PHYHIPL: variants seen among roughly 807,000 people sequenced by gnomAD.
PHYHIPL encodes phytanoyl-CoA 2-hydroxylase interacting protein like, also known as phytanoyl-CoA hydroxylase-interacting protein-like.
Under a neutral mutation model 33.4 loss-of-function variants are expected in PHYHIPL, and 9 were observed. The ratio of observed to expected loss-of-function variants is 0.27; its 90% CI spans 0.16 to 0.47. The LOEUF (loss-of-function observed/expected upper bound fraction) is 0.47. Among genes scored for constraint, PHYHIPL ranks in the 20% least tolerant of loss-of-function variants. The pLI is 0.99. For missense variants in PHYHIPL, 365 were observed against 460.7 expected (o/e 0.79, Z 1.90); for synonymous variants, 153 against 154.1 (o/e 0.99, Z 0.05).
intron 4 of PHYHIPL, among the ~76,000 whole-genome samples, chr10:59,239,119 G>T (rs1840314794): frequency 6.6e-6 from 1 of 151,910 alleles, no homozygotes; most frequent in African/African-American, 2.4e-5. Flanking sequence ...AATCAGGTGG[G>T]ATTTGCAGAC....
At chr10:59,220,768 G>T (rs1456749015) in intron 1 of PHYHIPL, among the ~76,000 whole-genome samples, 2 of 152,016 alleles carry the variant, frequency 1.3e-5, no homozygotes, top group African/African-American at 2.4e-5. Context: ...TGAATGCCAG[G>T]CCTCTTAGAA....
At chr10:59,242,422 GT>G (rs1245977328) in intron 4 of PHYHIPL, among the ~76,000 whole-genome samples, 1 of 95,676 alleles carries the variant, frequency 1.0e-5, no homozygotes, top group African/African-American at 6.8e-5. Context: ...CTGGTAGATA[GT>G]CAGGAGGAGG....
chr10:59,198,053 C>CT (rs201370071), intron 1 of PHYHIPL, among the ~76,000 whole-genome samples: 2 of 151,866 alleles, frequency 1.3e-5, no homozygotes, highest in Non-Finnish European at 2.9e-5. Flanking sequence ...AAGCAGTAAT[C>CT]TTTTTTTATT....
intron 1 of PHYHIPL, among the ~76,000 whole-genome samples, chr10:59,222,879 C>G (rs1654575442): frequency 6.6e-6 from 1 of 152,226 alleles, no homozygotes; most frequent in Admixed American, 6.5e-5. Context: ...TTATTGTCTA[C>G]TACATGCCAG....
chr10:59,193,836 G>C lies in PHYHIPL; in HGVS notation c.106+16877G>C, dbSNP rs528046090. ...TTAGCTTGATACAACTTTTTTGGCT[G>C]TTATTTTTGGTGATTAAAAAAGGAA... is the stretch of plus-strand genomic sequence containing the variant. On this transcript the variant is annotated intron_variant, in intron 1 of 4. Coordinates refer to ENST00000373880, the MANE Select transcript of PHYHIPL (RefSeq NM_032439.4). Among the ~76,000 whole-genome samples the C allele has an allele frequency of 6.6e-5, 10 of 152,032 alleles. 1 individual carries two copies. The South Asian group carries it at 2.1e-3, about 31-fold the overall frequency.
chr10:59,223,727 T>C (rs1443965102), intron 1 of PHYHIPL, among the ~76,000 whole-genome samples: 2 of 152,114 alleles, frequency 1.3e-5, no homozygotes, highest in African/African-American at 4.8e-5. Flanking sequence ...GGCATGATCA[T>C]GGCTCACTGC....
upstream of PHYHIPL, among the ~76,000 whole-genome samples, chr10:59,176,363 G>A (rs1327767217): frequency 5.3e-5 from 8 of 152,168 alleles, no homozygotes; most frequent in Non-Finnish European, 1.2e-4. Context: ...CCAGGAGAGA[G>A]GGCGAGGCAG....
chr10:59,213,400 T>G (rs966472140), intron 1 of PHYHIPL, among the ~76,000 whole-genome samples: 8 of 152,186 alleles, frequency 5.3e-5, no homozygotes, highest in African/African-American at 1.7e-4. Flanking sequence ...CTGCATTGCC[T>G]TTAACACTCC....
intron 4 of PHYHIPL, among the ~76,000 whole-genome samples, chr10:59,242,225 CTAA>C (rs1370709252): frequency 3.3e-5 from 5 of 152,124 alleles, no homozygotes; most frequent in Admixed American, 6.5e-5. Context: ...ATGTCAAGTA[CTAA>C]TGAGACACCC....
chr10:59,236,862 G>T (rs1238649361), intron 3 of PHYHIPL, among the ~76,000 whole-genome samples: 4 of 151,758 alleles, frequency 2.6e-5, no homozygotes, highest in Non-Finnish European at 4.4e-5. Context: ...CTGAGTAATG[G>T]CTTCAAATCA....
chr10:59,240,455 G>C (rs543170562), intron 4 of PHYHIPL, among the ~76,000 whole-genome samples: 1 of 151,528 alleles, frequency 6.6e-6, no homozygotes, highest in Non-Finnish European at 1.5e-5. Context: ...GATAACTTAC[G>C]TTAGCCTACA....
rs769123097 is a variant in PHYHIPL, at chr10:59,179,472, A to G, written c.106+2513A>G. Among the ~76,000 whole-genome samples the G allele has an allele frequency of 4.8e-4, 73 of 152,184 alleles. 2 individuals carry two copies. The highest frequency in any genetic ancestry group is 8.3e-4 in the South Asian group (4 of 4,820). Reference sequence around the variant, plus strand: ...CTCTTTTCTCACTTTCTTTTAATCTACTGTTAATTTGGTGATGAAAAAAAA... The same window carrying G: ...CTCTTTTCTCACTTTCTTTTAATCTGCTGTTAATTTGGTGATGAAAAAAAA... On this transcript the variant is annotated intron_variant, in intron 1 of 4. Transcript: ENST00000373880.
chr10:59,232,351 A>G (rs1199245344), intron 1 of PHYHIPL, among the ~76,000 whole-genome samples: 1 of 152,010 alleles, frequency 6.6e-6, no homozygotes, highest in East Asian at 1.9e-4. Flanking sequence ...AAGATTTTTA[A>G]TATAACAAAT....
intron 1 of PHYHIPL, among the ~76,000 whole-genome samples, chr10:59,224,485 CAAAACAAAACAA>C (rs1176919905): frequency 9.9e-5 from 15 of 150,834 alleles, no homozygotes; most frequent in African/African-American, 2.9e-4. Context: ...CAAAACAAAA[CAAAACAAAACAA>C]AAAACAAAAC....
chr10:59,240,550 T>C (rs932217697), intron 4 of PHYHIPL, among the ~76,000 whole-genome samples: 10 of 152,004 alleles, frequency 6.6e-5, no homozygotes, highest in Non-Finnish European at 1.2e-4. Context: ...CAGTTTCTAC[T>C]GAATGTGCAT....
chr10:59,223,691 C>G (rs1384181757), intron 1 of PHYHIPL, among the ~76,000 whole-genome samples: 2 of 151,600 alleles, frequency 1.3e-5, no homozygotes, highest in African/African-American at 4.9e-5. Context: ...GAGACAGGGT[C>G]TCTGTCACCA....
At chr10:59,218,186 A>G (rs747898077) in intron 1 of PHYHIPL, among the ~76,000 whole-genome samples, 22 of 152,054 alleles carry the variant, frequency 1.4e-4, no homozygotes, top group Admixed American at 2.6e-4. Context: ...ATAGTACCTG[A>G]AGTTTATACA....
intron 1 of PHYHIPL, among the ~76,000 whole-genome samples, chr10:59,211,819 G>C (rs1839455631): frequency 6.6e-6 from 1 of 152,018 alleles, no homozygotes; most frequent in Non-Finnish European, 1.5e-5. Context: ...TTTAGTAAAA[G>C]CTAATGAAAG....
At chr10:59,203,544 T>TA (rs1839189935) in intron 1 of PHYHIPL, among the ~76,000 whole-genome samples, 1 of 151,876 alleles carries the variant, frequency 6.6e-6, no homozygotes, top group Non-Finnish European at 1.5e-5. Context: ...TAGACTGGAT[T>TA]AAGAAAATGT....
Sources: allele counts gnomAD v4.1 joint callset (sites outside exome capture counted in the v4.1 genomes callset), GRCh38; gene constraint gnomAD v4.1.1; transcripts MANE v1.5; gene names NCBI Gene and HGNC (gene_info 2026-07-23, HGNC 2026-07-21).